The following COG5 variants were observed in gnomAD, a reference collection of about 807,000 sequenced individuals.
COG5 encodes component of oligomeric golgi complex 5, also known as conserved oligomeric Golgi complex subunit 5.
Under a neutral mutation model 110.4 loss-of-function variants are expected in COG5, and 86 were observed. That is an observed-to-expected ratio of 0.78 (90% CI 0.65 to 0.93). COG5 has a LOEUF of 0.93. Ranked by LOEUF, COG5 falls within the 40% of genes least tolerant of loss-of-function variation. The probability of loss-of-function intolerance (pLI) is 0.00; values close to 1 mark genes in which losing one functional copy is unlikely to be tolerated. For missense variants in COG5, 1,077 were observed against 987.0 expected, an observed-to-expected ratio of 1.09 and a Z score of -1.22; for synonymous variants, 360 against 334.6, an observed-to-expected ratio of 1.08 and a Z score of -0.83.
At chr7:107,299,802 T>C (rs1249309994) in intron 11 of COG5, among the ~76,000 whole-genome samples, 1 of 143,230 alleles carries the variant, frequency 7.0e-6, no homozygotes, top group Admixed American at 7.2e-5. Context: ...ACCAAGGAGA[T>C]CTATGTCAGA....
chr7:107,533,313 A>C (rs1000085222), intron 5 of COG5, among the ~76,000 whole-genome samples: 1 of 151,678 alleles, frequency 6.6e-6, no homozygotes, highest in Non-Finnish European at 1.5e-5. Flanking sequence ...TGGATGGGGA[A>C]TCAGTTTGAC....
intron 5 of COG5, among the ~76,000 whole-genome samples, chr7:107,527,980 CTAG>C (rs112129829): frequency 0.013 from 1,967 of 152,268 alleles, 56 homozygotes; most frequent in African/African-American, 0.043. Context: ...AATCACTATG[CTAG>C]GTTGCTCAGC....
chr7:107,478,847 A>T (rs941258702), intron 6 of COG5, among the ~76,000 whole-genome samples: 1 of 152,064 alleles, frequency 6.6e-6, no homozygotes, highest in Admixed American at 6.6e-5. Flanking sequence ...ATCTAAAATC[A>T]TTAGAAAACA....
intron 14 of COG5, among the ~76,000 whole-genome samples, chr7:107,271,962 T>A (rs940898125): frequency 3.3e-5 from 5 of 152,200 alleles, no homozygotes; most frequent in Admixed American, 6.5e-5. Flanking sequence ...AATATTTTTT[T>A]AAAATATTCC....
chr7:107,475,893 C>A (rs183945640), intron 6 of COG5, among the ~76,000 whole-genome samples: 37 of 151,260 alleles, frequency 2.4e-4, no homozygotes, highest in African/African-American at 9.0e-4. Context: ...TAATTAAGTA[C>A]GTATGAAGCT....
Position 107,201,411 on chromosome 7 carries a change from C to T in COG5, c.*2105G>A. Reference sequence around the variant, plus strand: ...TTCACTGAGTTTAATTTTATTTCCACAGGGCTCACAACAACATTAAACCAG... The same window carrying T: ...TTCACTGAGTTTAATTTTATTTCCATAGGGCTCACAACAACATTAAACCAG... On this transcript the variant is annotated 3_prime_UTR_variant, in exon 22 of 22. Transcript: ENST00000297135. 1 of 1,568,558 alleles carries T rather than the reference C, an allele frequency of 6.4e-7. No individual in the cohort carries two copies. The highest frequency in any genetic ancestry group is 8.8e-7 in the Non-Finnish European group (1 of 1,139,966).
intron 7 of COG5, among the ~76,000 whole-genome samples, chr7:107,404,885 GAAAAAAAAA>G (rs59988899): frequency 6.2e-5 from 2 of 32,404 alleles, no homozygotes; most frequent in Non-Finnish European, 1.4e-4. Context: ...TTCAGAAGAT[GAAAAAAAAA>G]AAAAAAAAAA....
At chr7:107,546,022 C>A (rs1802412630) in intron 5 of COG5, among the ~76,000 whole-genome samples, 3 of 152,002 alleles carry the variant, frequency 2.0e-5, no homozygotes, top group Non-Finnish European at 1.5e-5. Context: ...TATCAAATAT[C>A]TTTTCCAACC....
intron 7 of COG5, among the ~76,000 whole-genome samples, chr7:107,391,206 C>A (rs910486873): frequency 5.3e-5 from 8 of 152,030 alleles, no homozygotes; most frequent in African/African-American, 1.9e-4. Flanking sequence ...GCGAGTACAG[C>A]CCCAGTTGCA....
At chr7:107,547,862 T>C (rs528351270) in intron 5 of COG5, 16 of 460,698 alleles carry the variant, frequency 3.5e-5, no homozygotes, top group South Asian at 2.0e-4. Context: ...CTATAAAACA[T>C]TGATGAAAGA....
At chr7:107,466,587 T>C (rs1285010478) in intron 6 of COG5, among the ~76,000 whole-genome samples, 1 of 152,198 alleles carries the variant, frequency 6.6e-6, no homozygotes, top group Non-Finnish European at 1.5e-5. Context: ...ATGTTGTTGA[T>C]TCTCTACGAC....
intron 10 of COG5, among the ~76,000 whole-genome samples, chr7:107,356,287 CTT>C (rs1415702587): frequency 1.3e-5 from 2 of 152,160 alleles, no homozygotes; most frequent in Non-Finnish European, 2.9e-5. Flanking sequence ...AAAATATATT[CTT>C]AATTTTCCTA....
intron 6 of COG5, among the ~76,000 whole-genome samples, chr7:107,442,130 T>C (rs1794737508): frequency 6.6e-6 from 1 of 152,190 alleles, no homozygotes; most frequent in Non-Finnish European, 1.5e-5. Flanking sequence ...GGCTGGATCA[T>C]GTTGGCAGAC....
At chr7:107,360,607 G>C (rs963062258) in intron 10 of COG5, among the ~76,000 whole-genome samples, 1 of 152,108 alleles carries the variant, frequency 6.6e-6, no homozygotes, top group African/African-American at 2.4e-5. Context: ...CCCTCATCTA[G>C]ATGTGGGCTA....
intron 10 of COG5, among the ~76,000 whole-genome samples, chr7:107,353,456 T>C (rs1812355902): frequency 6.7e-6 from 1 of 148,562 alleles, no homozygotes; most frequent in Non-Finnish European, 1.5e-5. Flanking sequence ...AAACAGAATA[T>C]AGTAAGAGAA....
At chr7:107,226,755 C>T (rs1303047337) in intron 19 of COG5, among the ~76,000 whole-genome samples, 3 of 152,148 alleles carry the variant, frequency 2.0e-5, no homozygotes, top group Non-Finnish European at 2.9e-5. Flanking sequence ...ATTTCTTGAT[C>T]CAGTTAATCC....
At chr7:107,355,591 A>G (rs539768061) in intron 10 of COG5, among the ~76,000 whole-genome samples, 1 of 152,358 alleles carries the variant, frequency 6.6e-6, no homozygotes, top group South Asian at 2.1e-4. Flanking sequence ...TTGTTCAGTG[A>G]TTAGAAGAAA....
chr7:107,352,119 C>G (rs1162002914), intron 10 of COG5, among the ~76,000 whole-genome samples: 1 of 147,886 alleles, frequency 6.8e-6, no homozygotes. Context: ...CCATGGAATA[C>G]TATGCAGCCA....
chr7:107,422,189 C>A (rs1236631389), intron 6 of COG5, among the ~76,000 whole-genome samples: 1 of 152,164 alleles, frequency 6.6e-6, no homozygotes. Flanking sequence ...AATTTGTAAT[C>A]TCCTAGTAAT....
Sources: allele counts gnomAD v4.1 joint callset (sites outside exome capture counted in the v4.1 genomes callset), GRCh38; gene constraint gnomAD v4.1.1; transcripts MANE v1.5; gene names NCBI Gene and HGNC (gene_info 2026-07-23, HGNC 2026-07-21).